Variants in FGF4 observed in about 807,000 individuals in gnomAD.
FGF4 encodes fibroblast growth factor 4, also known as heparin secretory transforming protein 1.
Under a neutral mutation model 15.7 loss-of-function variants are expected in FGF4, and 9 were observed. The ratio of observed to expected loss-of-function variants is 0.57; its 90% CI spans 0.35 to 1.00. The LOEUF is 1.00. Ranked by LOEUF, FGF4 falls within the 50% of genes least tolerant of loss-of-function variation. The pLI is 0.02. For missense variants in FGF4, 286 were observed against 297.3 expected (o/e 0.96, Z 0.28); for synonymous variants, 164 against 144.8 (o/e 1.13, Z -0.95).
chr11:69,774,430 C>T (rs377542997), intron 1 of FGF4, among the ~76,000 whole-genome samples: 1 of 152,176 alleles, frequency 6.6e-6, no homozygotes, highest in Admixed American at 6.5e-5. Flanking sequence ...CAGGCCGGGG[C>T]GCGTGTCTCG....
In FGF4 at chr11:69,775,127, C is replaced by T; in HGVS notation, c.-43G>A. 8.2e-7 allele frequency: 1 copy of T among 1,223,640 alleles called. No individual in the cohort carries two copies. Among genetic ancestry groups the T allele is most frequent in the East Asian group, 3.2e-5 (1 of 31,088 alleles). The allele number at this position is 1,223,640 out of a possible 1,614,324, so 75.8% of individuals were successfully genotyped here. A position where few individuals can be genotyped will look rare whatever the true frequency, so the allele number is the denominator to read the frequency against. On this transcript the variant is annotated 5_prime_UTR_variant, in exon 1 of 3. Transcript: ENST00000168712. ...GCGTCGGTCAGGCGGTCAGTGCGCC[C>T]GGGAAGCTGGGGGGCAGAGCTGCGC...
At chr11:69,774,154 G>A in intron 1 of FGF4, 27 bp from the exon 2 acceptor site, 6 of 1,575,522 alleles carry the variant, frequency 3.8e-6, no homozygotes, top group South Asian at 1.1e-5. Context: ...GGTCATTGCG[G>A]GGCAGGTGAT....
Position 69,774,772 on chromosome 11 carries a change from C to G in FGF4, c.313G>C (p.Gly105Arg). 1 of 1,510,772 alleles carries G rather than the reference C, an allele frequency of 6.6e-7. No homozygotes were observed. The highest frequency in any genetic ancestry group is 8.8e-7 in the Non-Finnish European group (1 of 1,140,072). The allele number at this position is 1,510,772 out of a possible 1,614,324, so 93.6% of individuals were successfully genotyped here. A position where few individuals can be genotyped will look rare whatever the true frequency, so the allele number is the denominator to read the frequency against. The change falls in exon 1 of 3, where the codon GGC (glycine) becomes CGC (arginine). Residue 105 changes from glycine to arginine, a missense_variant. Coordinates refer to ENST00000168712, the MANE Select transcript of FGF4 (RefSeq NM_002007.4). ...HLQALPDGRI[G>R]GAHADTRDSL... ...TCGCGGGTGTCCGCGTGCGCGCCGCCGATGCGGCCGTCGGGGAGCGCCTGG... is the reference window on the plus strand; with the variant it reads ...TCGCGGGTGTCCGCGTGCGCGCCGCGGATGCGGCCGTCGGGGAGCGCCTGG...
rs1188384903 is a variant in FGF4 at position 69,773,941 on chromosome 11, G to A, written c.444+83C>T. On this transcript the variant is annotated intron_variant, in intron 2 of 2. Transcript: ENST00000168712. ...GCCACCCCTCCAAGACCCAGGCACA[G>A]GTGGGGCTGGAGAAGCCACGAGCCT... 6.0e-6 allele frequency: 7 copies of A among 1,162,406 alleles called. No homozygotes were observed. In the Admixed American group the frequency reaches 6.4e-5, roughly 11 times the overall value. The allele number at this position is 1,162,406 out of a possible 1,614,324, so 72.0% of individuals were successfully genotyped here.
intron 1 of FGF4, 136 bp downstream of exon 1, chr11:69,774,609 C>T (rs1453489361): frequency 4.9e-6 from 3 of 611,382 alleles, no homozygotes; most frequent in South Asian, 6.0e-5. Flanking sequence ...CAGAAGGGAC[C>T]GGAGCCCGAG....
Position 69,774,136 on chromosome 11 carries a change from G to C in FGF4, c.341-9C>G. ...CGAGAGCTCCAGCAGGCCTGGGGGC[G>C]GGGCGCAGGTCATTGCGGGGCAGGT... On this transcript the variant is annotated splice_polypyrimidine_tract_variant and intron_variant, in intron 1 of 2. Transcript: ENST00000168712. 6.2e-7 allele frequency: 1 copy of C among 1,606,856 alleles called. No individual in the cohort carries two copies. Among genetic ancestry groups the C allele is most frequent in the Non-Finnish European group, 8.5e-7 (1 of 1,176,680 alleles).
At position 69,772,984 on chromosome 11, in the gene FGF4, C is replaced by CT. The variant is rs575981447; in HGVS notation, c.*324dup. 9.3e-3 allele frequency: 2,683 copies of CT among 289,650 alleles called. 39 individuals are homozygous for CT. Among genetic ancestry groups the CT allele is most frequent in the South Asian group, 0.048 (670 of 14,022 alleles). The allele number at this position is 289,650 out of a possible 1,614,324, so 17.9% of individuals were successfully genotyped here. A position where few individuals can be genotyped will look rare whatever the true frequency, so the allele number is the denominator to read the frequency against. ...GGATGACATCGGAATCCAATGTCAC[C>CT]TTTTTTTAAAACACAGAATAGCAGC... is the stretch of plus-strand genomic sequence containing the variant. On this transcript the variant is annotated 3_prime_UTR_variant, in exon 3 of 3. Transcript: ENST00000168712.
intron 2 of FGF4, 142 bp downstream of exon 2, chr11:69,773,882 G>A: frequency 1.5e-6 from 1 of 651,128 alleles, no homozygotes; most frequent in East Asian, 2.8e-5. Flanking sequence ...CCTTTGTCTG[G>A]GGAGGCCTGC....
At position 69,772,736 on chromosome 11, in the gene FGF4, G is replaced by GT. The variant is rs2119825592; in HGVS notation, c.*572dup. The stretch of plus-strand genomic sequence containing the variant: ...AGATTGACTACAGGAAAGTTCAAAG[G>GT]TCAGTCTTGGCAGATCTAAAAACAG... On this transcript the variant is annotated 3_prime_UTR_variant, in exon 3 of 3. Coordinates refer to ENST00000168712, the MANE Select transcript of FGF4 (RefSeq NM_002007.4). 1 of 154,938 alleles carries GT rather than the reference G, an allele frequency of 6.5e-6. No homozygotes were observed. Among genetic ancestry groups the GT allele is most frequent in the East Asian group, 1.8e-4 (1 of 5,568 alleles). The allele number at this position is 154,938 out of a possible 1,614,324, so 9.6% of individuals were successfully genotyped here. A position where few individuals can be genotyped will look rare whatever the true frequency, so the allele number is the denominator to read the frequency against.
rs759419639 is a variant in FGF4, at chr11:69,772,819, C to A, written c.*490G>T. ...TGTACCCGAAGTAAACCGATATGTC[C>A]CGATTAATAGCAACAGGGCACAAAG... On this transcript the variant is annotated 3_prime_UTR_variant, in exon 3 of 3. Transcript: ENST00000168712. 3 of 177,478 alleles carry A rather than the reference C, an allele frequency of 1.7e-5. No homozygotes were observed. The highest frequency in any genetic ancestry group is 4.8e-5 in the African/African-American group (2 of 42,072). The allele number at this position is 177,478 out of a possible 1,614,324, so 11.0% of individuals were successfully genotyped here. A position where few individuals can be genotyped will look rare whatever the true frequency, so the allele number is the denominator to read the frequency against.
chr11:69,775,105 T>C lies in FGF4; in HGVS notation c.-21A>G. ...GACATCCCGGCCCGAGGGCCGTGCG[T>C]CGGTCAGGCGGTCAGTGCGCCCGGG... On this transcript the variant is annotated 5_prime_UTR_variant, in exon 1 of 3. Coordinates refer to ENST00000168712, the MANE Select transcript of FGF4 (RefSeq NM_002007.4). 1.5e-6 allele frequency: 2 copies of C among 1,296,952 alleles called. No homozygotes were observed. Among genetic ancestry groups the C allele is most frequent in the Non-Finnish European group, 1.9e-6 (2 of 1,026,592 alleles). The allele number at this position is 1,296,952 out of a possible 1,614,324, so 80.3% of individuals were successfully genotyped here. A position where few individuals can be genotyped will look rare whatever the true frequency, so the allele number is the denominator to read the frequency against.
At chr11:69,773,919 A>AC in intron 2 of FGF4, 105 bp downstream of exon 2, 1 of 899,222 alleles carries the variant, frequency 1.1e-6, no homozygotes. Flanking sequence ...TGACCCTGCC[A>AC]CCCCTCCAAG....
In FGF4 at chr11:69,771,308, A is replaced by G. The variant is rs1404974121; in HGVS notation, c.*2001T>C. On this transcript the variant is annotated 3_prime_UTR_variant, in exon 3 of 3. Coordinates refer to ENST00000168712, the MANE Select transcript of FGF4 (RefSeq NM_002007.4). ...CACATGATTTGTTGAAGAAATATCT[A>G]TAAGAAGTGGTCAAGGGTGATCAAA... 1 of 152,266 alleles carries G rather than the reference A, an allele frequency of 6.6e-6. No homozygotes were observed. The highest frequency in any genetic ancestry group is 1.5e-5 in the Non-Finnish European group (1 of 68,050). 9.4% of individuals were successfully genotyped at this position (152,266 alleles called of 1,614,324 possible).
rs768936574 is a variant in FGF4 at position 69,773,288 on chromosome 11, A to T, written c.*21T>A. The stretch of plus-strand genomic sequence containing the variant: ...CCCTCCCAGGGGCTTCCCGAGGCTG[A>T]GGCAAGGGTCCTCTGGAGGGTCACA... On this transcript the variant is annotated 3_prime_UTR_variant, in exon 3 of 3. Coordinates refer to ENST00000168712, the MANE Select transcript of FGF4 (RefSeq NM_002007.4). The T allele has an allele frequency of 6.2e-7, 1 of 1,612,504 alleles. No homozygotes were observed. The highest frequency in any genetic ancestry group is 8.5e-7 in the Non-Finnish European group (1 of 1,178,736).
In FGF4 at chr11:69,772,094, G is replaced by A. The variant is rs1409248813; in HGVS notation, c.*1215C>T. The A allele has an allele frequency of 2.6e-5, 4 of 151,982 alleles. No homozygotes were observed. Among genetic ancestry groups the A allele is most frequent in the African/African-American group, 9.7e-5 (4 of 41,396 alleles). The allele number at this position is 151,982 out of a possible 1,614,324, so 9.4% of individuals were successfully genotyped here. Reference sequence around the variant, plus strand: ...ACCCTTACTAAAAGTAAATCACAGGGTAAAGATAGCTCAAACGTGACAAGG... The same window carrying A: ...ACCCTTACTAAAAGTAAATCACAGGATAAAGATAGCTCAAACGTGACAAGG... On this transcript the variant is annotated 3_prime_UTR_variant, in exon 3 of 3. Coordinates refer to ENST00000168712, the MANE Select transcript of FGF4 (RefSeq NM_002007.4).
Position 69,772,362 on chromosome 11 carries a change from A to T in FGF4, c.*947T>A, listed in dbSNP as rs1855581951. ...CAATTACAAGGACATTTCACCTAAA[A>T]ATCGTAGCTAGTTCTAGCCCAAAGC... On this transcript the variant is annotated 3_prime_UTR_variant, in exon 3 of 3. Coordinates refer to ENST00000168712, the MANE Select transcript of FGF4 (RefSeq NM_002007.4). 1 of 152,232 alleles carries T rather than the reference A, an allele frequency of 6.6e-6. No homozygotes were observed. Among genetic ancestry groups the T allele is most frequent in the African/African-American group, 2.4e-5 (1 of 41,470 alleles). 9.4% of individuals were successfully genotyped at this position (152,232 alleles called of 1,614,324 possible).
At chr11:69,774,148 A>C in intron 1 of FGF4, 21 bp from the exon 2 acceptor site, 1 of 1,590,746 alleles carries the variant, frequency 6.3e-7, no homozygotes, top group Non-Finnish European at 8.6e-7. Flanking sequence ...GGCGCAGGTC[A>C]TTGCGGGGCA....
At position 69,771,031 on chromosome 11, in the gene FGF4, A is replaced by C. The variant is rs570928970; in HGVS notation, c.*2278T>G. On this transcript the variant is annotated 3_prime_UTR_variant, in exon 3 of 3. Coordinates refer to ENST00000168712, the MANE Select transcript of FGF4 (RefSeq NM_002007.4). ...GAACCAGGTCTTGGCATTTCAAGGCACAATTTTAATAGCTTTTAATTCCTT... is the reference window on the plus strand; with the variant it reads ...GAACCAGGTCTTGGCATTTCAAGGCCCAATTTTAATAGCTTTTAATTCCTT... 5.3e-5 allele frequency: 8 copies of C among 152,338 alleles called. No homozygotes were observed. The highest frequency in any genetic ancestry group is 1.7e-4 in the African/African-American group (7 of 41,570). The allele number at this position is 152,338 out of a possible 1,614,324, so 9.4% of individuals were successfully genotyped here. A position where few individuals can be genotyped will look rare whatever the true frequency, so the allele number is the denominator to read the frequency against.
At position 69,771,323 on chromosome 11, in the gene FGF4, G is replaced by A. The variant is rs1691862711; in HGVS notation, c.*1986C>T. ...AGAAATATCTATAAGAAGTGGTCAA[G>A]GGTGATCAAACCTAACACATGTTAA... On this transcript the variant is annotated 3_prime_UTR_variant, in exon 3 of 3. Transcript: ENST00000168712. The A allele has an allele frequency of 6.6e-6, 1 of 152,220 alleles. No individual in the cohort carries two copies. The highest frequency in any genetic ancestry group is 2.4e-5 in the African/African-American group (1 of 41,458). 9.4% of individuals were successfully genotyped at this position (152,220 alleles called of 1,614,324 possible).
Sources: allele counts gnomAD v4.1 joint callset (sites outside exome capture counted in the v4.1 genomes callset), GRCh38; gene constraint gnomAD v4.1.1; transcripts MANE v1.5; gene names NCBI Gene and HGNC (gene_info 2026-07-23, HGNC 2026-07-21).